Variants in GLB1L3 observed in about 807,000 individuals in gnomAD.
GLB1L3 encodes the protein beta-galactosidase-1-like protein 3.
In GLB1L3, 89 loss-of-function variants were observed where a neutral mutation model predicts 89.5. That is an observed-to-expected ratio of 0.99 (90% confidence interval 0.84 to 1.19). The LOEUF (loss-of-function observed/expected upper bound fraction) is 1.19. Among genes scored for constraint, GLB1L3 ranks in the 50% most tolerant of loss-of-function variants. The pLI is 0.00. For synonymous variants in GLB1L3, 314 were observed against 312.3 expected (o/e 1.01, Z -0.06); for missense variants, 812 against 813.3 (o/e 1.00, Z 0.02).
intron 14 of GLB1L3, 148 bp downstream of exon 14, chr11:134,312,637 T>C: frequency 8.8e-7 from 1 of 1,131,542 alleles, no homozygotes; most frequent in Non-Finnish European, 1.3e-6. Context: ...CCAAATAGAC[T>C]TGCTTTCTGC....
intron 11 of GLB1L3, chr11:134,310,078 G>A (rs556594861): frequency 3.9e-5 from 17 of 434,062 alleles, no homozygotes; most frequent in Admixed American, 7.1e-5. Context: ...CTGCACGGCC[G>A]GGCGATACAG....
At chr11:134,323,315 G>A (rs1300935241), downstream of GLB1L3, among the ~76,000 whole-genome samples, 1 of 152,112 alleles carries the variant, frequency 6.6e-6, no homozygotes, top group East Asian at 1.9e-4. Flanking sequence ...GAGGTCAGGC[G>A]TTTGTGACCA....
intron 9 of GLB1L3, 129 bp from the exon 10 acceptor site, chr11:134,306,995 G>C (rs529785716): frequency 3.2e-6 from 2 of 630,748 alleles, no homozygotes; most frequent in Admixed American, 2.9e-5. Context: ...GGATCAAAAC[G>C]GGAAAGCTCT....
intron 9 of GLB1L3, among the ~76,000 whole-genome samples, chr11:134,300,660 G>A (rs753804759): frequency 4.6e-5 from 7 of 152,148 alleles, no homozygotes; most frequent in Admixed American, 1.3e-4. Flanking sequence ...TAATCAAGGC[G>A]CCTACAGGCT....
chr11:134,306,977 G>A, intron 9 of GLB1L3, 147 bp from the exon 10 acceptor site: 2 of 589,062 alleles, frequency 3.4e-6, no homozygotes, highest in Non-Finnish European at 6.0e-6. Context: ...CGTGGGGGAA[G>A]AAATACTGGA....
chr11:134,277,175 C>A (rs550631873), intron 1 of GLB1L3, 151 bp from the exon 2 acceptor site: 2 of 935,650 alleles, frequency 2.1e-6, no homozygotes, highest in East Asian at 2.4e-5. Flanking sequence ...CCGCGCTGTC[C>A]TGGCCCTGGG....
chr11:134,308,591 A>G (rs1443454730), intron 10 of GLB1L3, among the ~76,000 whole-genome samples: 1 of 144,876 alleles, frequency 6.9e-6, no homozygotes, highest in Non-Finnish European at 1.5e-5. Flanking sequence ...CACCATCATC[A>G]CCATCACCTC....
chr11:134,285,917 T>TC (rs1940960141), intron 6 of GLB1L3, among the ~76,000 whole-genome samples: 1 of 151,462 alleles, frequency 6.6e-6, no homozygotes, highest in Non-Finnish European at 1.5e-5. Context: ...TGTTTTTTTT[T>TC]TTTTTTTTGG....
Position 134,310,891 on chromosome 11 carries a change from G to C in GLB1L3, c.1181-173G>C, listed in dbSNP as rs914432335. On this transcript the variant is annotated intron_variant, in intron 12 of 19. Coordinates refer to ENST00000431683, the MANE Select transcript of GLB1L3 (RefSeq NM_001080407.3). ...CTGAAGCATAAAGATAGTAACCTTG[G>C]TCTCCTGTGATGACTGCGAAGATTG... 6 of 637,148 alleles carry C rather than the reference G, an allele frequency of 9.4e-6. No homozygotes were observed. In the Admixed American group the frequency reaches 1.4e-4, roughly 15 times the overall value. The allele number at this position is 637,148 out of a possible 1,614,324, so 39.5% of individuals were successfully genotyped here. A position where few individuals can be genotyped will look rare whatever the true frequency, so the allele number is the denominator to read the frequency against.
chr11:134,300,322 A>G (rs1941871434), intron 9 of GLB1L3, among the ~76,000 whole-genome samples: 1 of 119,650 alleles, frequency 8.4e-6, no homozygotes, highest in Admixed American at 1.1e-4. Context: ...GGCCCATCCT[A>G]TTGACCACAT....
At chr11:134,300,751 C>T (rs1054310472) in intron 9 of GLB1L3, among the ~76,000 whole-genome samples, 8 of 152,164 alleles carry the variant, frequency 5.3e-5, no homozygotes, top group African/African-American at 1.9e-4. Flanking sequence ...GCCGTGAACA[C>T]GAGACCCTGG....
rs1565399473 is a variant in GLB1L3 at position 134,293,130 on chromosome 11, C to G, written c.812-15C>G. On this transcript the variant is annotated splice_polypyrimidine_tract_variant and intron_variant, in intron 8 of 19. Coordinates refer to ENST00000431683, the MANE Select transcript of GLB1L3 (RefSeq NM_001080407.3). ...TGTCTCATGCCTCAGCTGGGTCTCT[C>G]TCTTCTTTATGCAGTGTTGGCCGCC... 2 of 1,612,546 alleles carry G rather than the reference C, an allele frequency of 1.2e-6. No individual in the cohort carries two copies. Among genetic ancestry groups the G allele is most frequent in the South Asian group, 1.1e-5 (1 of 91,026 alleles).
At chr11:134,286,645 CG>C (rs1941006024) in intron 6 of GLB1L3, among the ~76,000 whole-genome samples, 1 of 150,950 alleles carries the variant, frequency 6.6e-6, no homozygotes, top group Non-Finnish European at 1.5e-5. Context: ...GGCGTGGTGG[CG>C]GGCGCCTGTA....
chr11:134,304,536 T>G (rs1234733872), intron 9 of GLB1L3, among the ~76,000 whole-genome samples: 1 of 152,212 alleles, frequency 6.6e-6, no homozygotes, highest in Admixed American at 6.5e-5. Flanking sequence ...TCTGTTCATT[T>G]TAACTGTGCT....
chr11:134,286,349 C>G (rs1271357839), intron 6 of GLB1L3, among the ~76,000 whole-genome samples: 1 of 152,208 alleles, frequency 6.6e-6, no homozygotes, highest in Non-Finnish European at 1.5e-5. Flanking sequence ...AAAACCCTGT[C>G]TTTAGGATTA....
intron 11 of GLB1L3, 94 bp from the exon 12 acceptor site, chr11:134,310,477 C>A: frequency 1.1e-6 from 1 of 879,130 alleles, no homozygotes. Context: ...TTTTGTCTCA[C>A]TCACGGTGGC....
chr11:134,313,388 C>T lies in GLB1L3; in HGVS notation c.1501-8C>T. ...GCGTGGTCTCCATGACCTGGCCTGT[C>T]CCAGCAGGACTGCCGATACCTGAGG... On this transcript the variant is annotated splice_region_variant and splice_polypyrimidine_tract_variant and intron_variant, in intron 15 of 19. Transcript: ENST00000431683. 1 of 1,571,896 alleles carries T rather than the reference C, an allele frequency of 6.4e-7. No individual in the cohort carries two copies. Among genetic ancestry groups the T allele is most frequent in the Admixed American group, 1.9e-5 (1 of 53,430 alleles).
chr11:134,314,219 C>CT, intron 17 of GLB1L3, 111 bp from the exon 18 acceptor site: 2 of 769,050 alleles, frequency 2.6e-6, no homozygotes, highest in Non-Finnish European at 2.2e-6. Flanking sequence ...CTAGTCTACT[C>CT]TATCTCATTG....
rs1179348611 is a variant in GLB1L3 at position 134,289,384 on chromosome 11, G to C, written c.729+494G>C. On this transcript the variant is annotated intron_variant, in intron 7 of 19. Transcript: ENST00000431683. ...TGACTCAGGGGTGGCAGAAGAGGTG[G>C]AGGAGGTGGCAGGAGAGGCAGGGGA... 2.0e-5 allele frequency among the ~76,000 whole-genome samples: 3 copies of C among 152,026 alleles called. No individual in the cohort carries two copies. In the East Asian group the frequency reaches 5.8e-4, roughly 29 times the overall value.
Sources: allele counts gnomAD v4.1 joint callset (sites outside exome capture counted in the v4.1 genomes callset), GRCh38; gene constraint gnomAD v4.1.1; transcripts MANE v1.5; gene names NCBI Gene and HGNC (gene_info 2026-07-23, HGNC 2026-07-21).